The following EPS8 variants were observed in gnomAD, a reference collection of about 807,000 sequenced individuals.
EPS8 encodes EGFR pathway substrate 8, signaling adaptor.
In EPS8, 42 loss-of-function variants were observed where a neutral mutation model predicts 103.8. The observed-to-expected ratio is 0.40, with a 90% CI of 0.32 to 0.52. The LOEUF (loss-of-function observed/expected upper bound fraction) is 0.52. Ranked by LOEUF, EPS8 falls within the 20% of genes least tolerant of loss-of-function variation. The pLI is 0.40. For synonymous variants in EPS8, 344 were observed against 344.6 expected (o/e 1.00, Z 0.02); for missense variants, 969 against 1,005.1 (o/e 0.96, Z 0.49).
chr12:15,677,340 C>T (rs368224120), intron 3 of EPS8, among the ~76,000 whole-genome samples: 2 of 152,202 alleles, frequency 1.3e-5, no homozygotes, highest in African/African-American at 4.8e-5. Context: ...GATCCTCTGG[C>T]CTCCAAAACC....
intron 1 of EPS8, among the ~76,000 whole-genome samples, chr12:15,707,685 A>G (rs1946406108): frequency 6.6e-6 from 1 of 152,102 alleles, no homozygotes; most frequent in Non-Finnish European, 1.5e-5. Flanking sequence ...TCATGATCAG[A>G]TTTCTCTTAC....
chr12:15,671,700 TG>T (rs1398783011), intron 3 of EPS8: 1 of 152,142 alleles, frequency 6.6e-6, no homozygotes, highest in Non-Finnish European at 1.5e-5. Context: ...AAATTTGTAT[TG>T]TTTTTTAAAA....
rs1401978614 is a variant in EPS8, at chr12:15,748,024, T to TCAAAAA, written c.-22+41131_-22+41136dup. ...AACAGAGCAAGACTCCATCTCAAAA[T>TCAAAAA]CAAAAACAAAAACAAAACAAAAAAA... is the stretch of plus-strand genomic sequence containing the variant. On this transcript the variant is annotated intron_variant, in intron 1 of 20. Coordinates refer to ENST00000281172, the MANE Select transcript of EPS8 (RefSeq NM_004447.6). The surrounding 1 kb of genome is among the most constrained non-coding windows in gnomAD (Gnocchi z 4.8). 3.3e-5 allele frequency among the ~76,000 whole-genome samples: 5 copies of TCAAAAA among 151,006 alleles called. No homozygotes were observed. Among genetic ancestry groups the TCAAAAA allele is most frequent in the South Asian group, 4.2e-4 (2 of 4,802 alleles).
chr12:15,662,142 A>C (rs767492247), intron 8 of EPS8, 43 bp from the exon 9 acceptor site: 5 of 1,578,954 alleles, frequency 3.2e-6, no homozygotes, highest in Non-Finnish European at 4.4e-6. Flanking sequence ...TTTTACTCCC[A>C]CAATACCAAT....
chr12:15,772,491 C>T lies in EPS8; in HGVS notation c.-22+16670G>A, dbSNP rs1947164997. Among the ~76,000 whole-genome samples, 1 of 152,040 alleles carries T rather than the reference C, an allele frequency of 6.6e-6. No individual in the cohort carries two copies. Among genetic ancestry groups the T allele is most frequent in the African/African-American group, 2.4e-5 (1 of 41,394 alleles). On this transcript the variant is annotated intron_variant, in intron 1 of 20. Coordinates refer to ENST00000281172, the MANE Select transcript of EPS8 (RefSeq NM_004447.6). The surrounding 1 kb of genome is among the most constrained non-coding windows in gnomAD (Gnocchi z 5.0). ...GCTAAGAAAATAATTCCAGAAAATC[C>T]AGAAACTTTTCAACTTGTGAGTGTT...
rs2135977861 is a variant in EPS8, at chr12:15,721,585, G to C, written c.-21-38613C>G. On this transcript the variant is annotated intron_variant, in intron 1 of 20. Coordinates refer to ENST00000281172, the MANE Select transcript of EPS8 (RefSeq NM_004447.6). This position sits in a 1 kb window ranked among gnomAD's most constrained non-coding sequence, Gnocchi z 4.4. ...AGAAGGCACACTGCTCTACATCTCA[G>C]CCCATCAGTTTTCCTTCTTTGGAAT... is the stretch of plus-strand genomic sequence containing the variant. Among the ~76,000 whole-genome samples, 1 of 152,210 alleles carries C rather than the reference G, an allele frequency of 6.6e-6. No homozygotes were observed. Among genetic ancestry groups the C allele is most frequent in the Middle Eastern group, 3.4e-3 (1 of 294 alleles).
chr12:15,738,665 G>T lies in EPS8; in HGVS notation c.-22+50496C>A, dbSNP rs1227253510. On this transcript the variant is annotated intron_variant, in intron 1 of 20. Transcript: ENST00000281172. This position sits in a 1 kb window ranked among gnomAD's most constrained non-coding sequence, Gnocchi z 6.2. Reference sequence around the variant, plus strand: ...TTAAGTACCTTAAAGCACTTGTGTTGTATTTAATATCAGTCATTTGTTTGC... The same window carrying T: ...TTAAGTACCTTAAAGCACTTGTGTTTTATTTAATATCAGTCATTTGTTTGC... Among the ~76,000 whole-genome samples the T allele has an allele frequency of 6.6e-6, 1 of 151,794 alleles. No homozygotes were observed. The highest frequency in any genetic ancestry group is 6.6e-5 in the Admixed American group (1 of 15,246).
chr12:15,669,850 G>T, intron 4 of EPS8, 25 bp from the exon 5 acceptor site: 1 of 1,557,010 alleles, frequency 6.4e-7, no homozygotes, highest in Non-Finnish European at 8.7e-7. Flanking sequence ...AAAGGAAAAA[G>T]ATTTATAACA....
At chr12:15,622,174 G>T (rs528302291) in intron 20 of EPS8, among the ~76,000 whole-genome samples, 1 of 152,294 alleles carries the variant, frequency 6.6e-6, no homozygotes, top group Non-Finnish European at 1.5e-5. Flanking sequence ...ATACCTTGAA[G>T]AAGTAATTAT....
At chr12:15,729,962 C>T (rs1428196460) in intron 1 of EPS8, among the ~76,000 whole-genome samples, 1 of 152,118 alleles carries the variant, frequency 6.6e-6, no homozygotes, top group Non-Finnish European at 1.5e-5. Flanking sequence ...TGTTTAAATA[C>T]ATTTTGATTT....
In EPS8 at chr12:15,738,678, G is replaced by C. The variant is rs1308826077; in HGVS notation, c.-22+50483C>G. The stretch of plus-strand genomic sequence containing the variant: ...AGCACTTGTGTTGTATTTAATATCA[G>C]TCATTTGTTTGCATATTTGTCTCAT... On this transcript the variant is annotated intron_variant, in intron 1 of 20. Transcript: ENST00000281172. This position sits in a 1 kb window ranked among gnomAD's most constrained non-coding sequence, Gnocchi z 6.2. 6.6e-6 allele frequency among the ~76,000 whole-genome samples: 1 copy of C among 151,876 alleles called. No individual in the cohort carries two copies. Among genetic ancestry groups the C allele is most frequent in the Non-Finnish European group, 1.5e-5 (1 of 67,954 alleles).
intron 9 of EPS8, 26 bp from the exon 10 acceptor site, chr12:15,660,766 A>G: frequency 7.3e-7 from 1 of 1,371,894 alleles, no homozygotes; most frequent in South Asian, 1.2e-5. Context: ...ATAGAATAAA[A>G]TATAAAACAA....
intron 8 of EPS8, among the ~76,000 whole-genome samples, chr12:15,663,938 A>ATAATAATAAT (rs1398079111): frequency 0.076 from 2,646 of 34,828 alleles, 124 homozygotes; most frequent in East Asian, 0.29. Context: ...AAAAAAAAAA[A>ATAATAATAAT]AAAAAAAATA....
rs12819001 is a variant in EPS8 at position 15,644,208 on chromosome 12, A to G, written c.1569-2378T>C. Among the ~76,000 whole-genome samples the G allele has an allele frequency of 5.0e-3, 757 of 152,250 alleles. 3 individuals are homozygous for G. The highest frequency in any genetic ancestry group is 0.034 in the Middle Eastern group (10 of 294). ...CACTCACAGGCTGCTGACTGTTCAAATTGTGTGCAAATGCCAAGCTGTAAC... is the reference window on the plus strand; with the variant it reads ...CACTCACAGGCTGCTGACTGTTCAAGTTGTGTGCAAATGCCAAGCTGTAAC... On this transcript the variant is annotated intron_variant, in intron 15 of 20. Transcript: ENST00000281172.
chr12:15,662,812 G>A lies in EPS8; in HGVS notation c.737-713C>T, dbSNP rs754577030. 9 of 197,986 alleles carry A rather than the reference G, an allele frequency of 4.5e-5. 1 individual carries two copies. The highest frequency in any genetic ancestry group is 7.3e-5 in the Non-Finnish European group (8 of 110,290). The allele number at this position is 197,986 out of a possible 1,614,324, so 12.3% of individuals were successfully genotyped here. A position where few individuals can be genotyped will look rare whatever the true frequency, so the allele number is the denominator to read the frequency against. On this transcript the variant is annotated intron_variant, in intron 8 of 20. Transcript: ENST00000281172. ...CAGAGAGTTGTTACAGATATCTCAT[G>A]GTAGAATAAATTTCAAAATATATGG...
Position 15,693,517 on chromosome 12 carries a change from A to C in EPS8, c.-21-10545T>G, listed in dbSNP as rs1239489244. ...AGTTGGAGGTTCTGAAATGAAAATA[A>C]GGTTGCTTCTCAATGTCTCTCAATA... is the stretch of plus-strand genomic sequence containing the variant. On this transcript the variant is annotated intron_variant, in intron 1 of 20. Transcript: ENST00000281172. The surrounding 1 kb of genome is among the most constrained non-coding windows in gnomAD (Gnocchi z 5.6). Among the ~76,000 whole-genome samples, 1 of 152,204 alleles carries C rather than the reference A, an allele frequency of 6.6e-6. No homozygotes were observed. The highest frequency in any genetic ancestry group is 1.5e-5 in the Non-Finnish European group (1 of 68,046).
rs1946236291 is a variant in EPS8, at chr12:15,695,864, A to G, written c.-21-12892T>C. Among the ~76,000 whole-genome samples the G allele has an allele frequency of 6.6e-6, 1 of 152,202 alleles. No homozygotes were observed. The highest frequency in any genetic ancestry group is 2.1e-4 in the South Asian group (1 of 4,826). On this transcript the variant is annotated intron_variant, in intron 1 of 20. Transcript: ENST00000281172. This position sits in a 1 kb window ranked among gnomAD's most constrained non-coding sequence, Gnocchi z 5.0. ...GTGGCAGGCACCTGTAATCCCAGCTACTCGGGAGGCTGAGACAGGAGAATC... is the reference window on the plus strand; with the variant it reads ...GTGGCAGGCACCTGTAATCCCAGCTGCTCGGGAGGCTGAGACAGGAGAATC...
Position 15,706,275 on chromosome 12 carries a change from G to A in EPS8, c.-21-23303C>T, listed in dbSNP as rs1326090089. Among the ~76,000 whole-genome samples the A allele has an allele frequency of 6.6e-6, 1 of 152,182 alleles. No individual in the cohort carries two copies. Among genetic ancestry groups the A allele is most frequent in the Admixed American group, 6.5e-5 (1 of 15,286 alleles). On this transcript the variant is annotated intron_variant, in intron 1 of 20. Transcript: ENST00000281172. The surrounding 1 kb of genome is among the most constrained non-coding windows in gnomAD (Gnocchi z 5.2). ...CACCTTTGCAGAGGGGAGGAGCCTGGCCTTGCCTTTTCCTGCGTGGAACCT... is the reference window on the plus strand; with the variant it reads ...CACCTTTGCAGAGGGGAGGAGCCTGACCTTGCCTTTTCCTGCGTGGAACCT...
intron 1 of EPS8, among the ~76,000 whole-genome samples, chr12:15,692,060 G>C (rs1056660285): frequency 6.6e-6 from 1 of 152,018 alleles, no homozygotes; most frequent in South Asian, 2.1e-4. Context: ...TTCATCACGG[G>C]ATCCACATTC....
Sources: allele counts gnomAD v4.1 joint callset (sites outside exome capture counted in the v4.1 genomes callset), GRCh38; gene constraint gnomAD v4.1.1; non-coding constraint Gnocchi (gnomAD v3.1); transcripts MANE v1.5; gene names NCBI Gene and HGNC (gene_info 2026-07-23, HGNC 2026-07-21).